The following GABRB1 variants were observed in gnomAD, a reference collection of about 807,000 sequenced individuals.
The protein encoded by GABRB1 is gamma-aminobutyric acid type A receptor subunit beta1, also known as gamma-aminobutyric acid receptor subunit beta-1.
Under a neutral mutation model 51.6 loss-of-function variants are expected in GABRB1, and 17 were observed. The ratio of observed to expected loss-of-function variants is 0.33; its 90% CI spans 0.23 to 0.49. The LOEUF (loss-of-function observed/expected upper bound fraction) is 0.49, where lower values mean the gene tolerates loss of function less well. GABRB1 is among the 20% of genes least tolerant of loss of function. GABRB1 has a pLI of 0.99. For missense variants in GABRB1, 410 were observed against 600.6 expected (o/e 0.68, Z 3.32); for synonymous variants, 247 against 218.9 (o/e 1.13, Z -1.14).
chr4:47,001,346 G>C (rs758878332), intron 1 of GABRB1, among the ~76,000 whole-genome samples: 1 of 151,972 alleles, frequency 6.6e-6, no homozygotes, highest in Non-Finnish European at 1.5e-5. Context: ...GTTTCACCGT[G>C]TTAGCCAGGA....
chr4:47,037,953 T>C (rs1725669497), intron 3 of GABRB1, among the ~76,000 whole-genome samples: 1 of 152,126 alleles, frequency 6.6e-6, no homozygotes, highest in Non-Finnish European at 1.5e-5. Context: ...ACTACTAGAC[T>C]AGTAAAAAAT....
At chr4:47,343,701 A>G (rs538804361) in intron 5 of GABRB1, among the ~76,000 whole-genome samples, 1 of 152,326 alleles carries the variant, frequency 6.6e-6, no homozygotes, top group South Asian at 2.1e-4. Context: ...TATATACCAG[A>G]AAATTAGGCC....
chr4:47,152,944 C>A (rs1295630367), intron 3 of GABRB1, among the ~76,000 whole-genome samples: 3 of 151,968 alleles, frequency 2.0e-5, no homozygotes, highest in Non-Finnish European at 4.4e-5. Flanking sequence ...AAACTGATAT[C>A]CTCCTACTCG....
chr4:47,146,645 A>ACT (rs1717182079), intron 3 of GABRB1, among the ~76,000 whole-genome samples: 1 of 152,010 alleles, frequency 6.6e-6, no homozygotes, highest in South Asian at 2.1e-4. Context: ...GGACTGTCCA[A>ACT]GTTGTCCTGG....
At chr4:47,083,505 C>T (rs914097141) in intron 3 of GABRB1, among the ~76,000 whole-genome samples, 2 of 151,982 alleles carry the variant, frequency 1.3e-5, no homozygotes, top group African/African-American at 2.4e-5. Flanking sequence ...TTTTTCATTG[C>T]TTATCATAAA....
intron 3 of GABRB1, among the ~76,000 whole-genome samples, chr4:47,037,550 G>GT (rs1266111690): frequency 0.15 from 3,265 of 21,616 alleles, 113 homozygotes; most frequent in African/African-American, 0.19. Context: ...TGTTGTTGTT[G>GT]TTTTTTGTTT....
chr4:47,190,411 C>T (rs1719392753), intron 4 of GABRB1, among the ~76,000 whole-genome samples: 1 of 152,040 alleles, frequency 6.6e-6, no homozygotes, highest in African/African-American at 2.4e-5. Flanking sequence ...GTATTGTGCA[C>T]ATACTGGAAA....
At chr4:47,166,337 C>T (rs1718187797) in intron 4 of GABRB1, among the ~76,000 whole-genome samples, 1 of 152,010 alleles carries the variant, frequency 6.6e-6, no homozygotes, top group Non-Finnish European at 1.5e-5. Flanking sequence ...CTGTCATCCA[C>T]TTCTGCCACC....
intron 3 of GABRB1, among the ~76,000 whole-genome samples, chr4:47,088,717 T>C (rs1560528564): frequency 6.6e-6 from 1 of 152,182 alleles, no homozygotes; most frequent in Admixed American, 6.5e-5. Flanking sequence ...AAATCATATA[T>C]CATCCCCGTT....
chr4:47,215,794 A>G (rs1720530664), intron 4 of GABRB1, among the ~76,000 whole-genome samples: 1 of 152,094 alleles, frequency 6.6e-6, no homozygotes, highest in African/African-American at 2.4e-5. Context: ...TTTATTCACA[A>G]TGTATAGATG....
At chr4:47,116,082 A>G (rs1254130200) in intron 3 of GABRB1, among the ~76,000 whole-genome samples, 2 of 152,214 alleles carry the variant, frequency 1.3e-5, no homozygotes, top group Non-Finnish European at 1.5e-5. Context: ...TCAAATTTTG[A>G]AAATATGCAA....
At chr4:47,158,517 C>A (rs992305187) in intron 3 of GABRB1, among the ~76,000 whole-genome samples, 1 of 151,972 alleles carries the variant, frequency 6.6e-6, no homozygotes, top group Non-Finnish European at 1.5e-5. Flanking sequence ...AGGATTTTGC[C>A]GCAGGTTTCA....
At chr4:47,351,152 G>A (rs73249624) in intron 5 of GABRB1, among the ~76,000 whole-genome samples, 9,236 of 152,230 alleles carry the variant, frequency 0.061, 343 homozygotes, top group Non-Finnish European at 0.083. Flanking sequence ...GATTAGACAC[G>A]ATTAGGGTGA....
chr4:47,103,271 T>A (rs1317403276), intron 3 of GABRB1, among the ~76,000 whole-genome samples: 2 of 152,068 alleles, frequency 1.3e-5, no homozygotes, highest in Non-Finnish European at 2.9e-5. Flanking sequence ...TGATTAGCTA[T>A]CTATCAATGG....
chr4:47,206,772 G>T (rs959489554), intron 4 of GABRB1, among the ~76,000 whole-genome samples: 4 of 151,162 alleles, frequency 2.6e-5, no homozygotes, highest in Non-Finnish European at 5.9e-5. Flanking sequence ...AGAATCAAAT[G>T]GTCCACATTT....
chr4:47,137,094 C>G (rs1400333798), intron 3 of GABRB1, among the ~76,000 whole-genome samples: 1 of 152,042 alleles, frequency 6.6e-6, no homozygotes, highest in Non-Finnish European at 1.5e-5. Flanking sequence ...ATAAACAAGT[C>G]CTGCGCTAAA....
At chr4:47,338,509 C>CT (rs1445900543) in intron 5 of GABRB1, among the ~76,000 whole-genome samples, 1 of 152,100 alleles carries the variant, frequency 6.6e-6, no homozygotes, top group Non-Finnish European at 1.5e-5. Context: ...TTCCAATGTG[C>CT]TTTTTTTGTC....
chr4:47,209,354 A>G (rs543345102), intron 4 of GABRB1, among the ~76,000 whole-genome samples: 1 of 152,206 alleles, frequency 6.6e-6, no homozygotes, highest in South Asian at 2.1e-4. Context: ...AGCTTCAGCT[A>G]TTTTCTTTTC....
At chr4:47,394,619 A>G (rs937505715) in intron 5 of GABRB1, among the ~76,000 whole-genome samples, 7 of 152,234 alleles carry the variant, frequency 4.6e-5, no homozygotes, top group Non-Finnish European at 1.0e-4. Context: ...GTCTCCTTAA[A>G]GGATTTTTAA....
Sources: allele counts gnomAD v4.1 joint callset (sites outside exome capture counted in the v4.1 genomes callset), GRCh38; gene constraint gnomAD v4.1.1; transcripts MANE v1.5; gene names NCBI Gene and HGNC (gene_info 2026-07-23, HGNC 2026-07-21).